The following CRTAC1 variants were observed in gnomAD, a reference collection of about 807,000 sequenced individuals.
CRTAC1 encodes the protein cartilage acidic protein 1.
CRTAC1 carries 37 observed loss-of-function variants against 67.8 expected under a neutral mutation model. The ratio of observed to expected loss-of-function variants is 0.55; its 90% CI spans 0.42 to 0.72. The LOEUF (loss-of-function observed/expected upper bound fraction) is 0.72. Among genes scored for constraint, CRTAC1 ranks in the 30% least tolerant of loss-of-function variants. The pLI is 0.00. For missense variants in CRTAC1, 780 were observed against 931.6 expected (o/e 0.84, Z 2.12); for synonymous variants, 348 against 371.0 (o/e 0.94, Z 0.71).
intron 2 of CRTAC1, among the ~76,000 whole-genome samples, chr10:97,994,279 C>T (rs895138003): frequency 1.3e-5 from 2 of 152,140 alleles, no homozygotes; most frequent in African/African-American, 4.8e-5. Context: ...TCACAGATTG[C>T]CAACTGTTTT....
intron 1 of CRTAC1, among the ~76,000 whole-genome samples, chr10:98,021,350 T>G (rs1341111647): frequency 6.6e-6 from 1 of 152,064 alleles, no homozygotes; most frequent in Non-Finnish European, 1.5e-5. Context: ...GCAGCACTCA[T>G]AGACAGGAGA....
chr10:97,966,835 G>T (rs763371037), intron 2 of CRTAC1, among the ~76,000 whole-genome samples: 1 of 152,096 alleles, frequency 6.6e-6, no homozygotes, highest in Non-Finnish European at 1.5e-5. Context: ...GGTTAGACTG[G>T]GGTTAGTGGG....
Position 97,895,965 on chromosome 10 carries a change from C to G in CRTAC1, c.1237G>C (p.Asp413His), listed in dbSNP as rs772913100. The G allele has an allele frequency of 6.2e-7, 1 of 1,614,154 alleles. No individual in the cohort carries two copies. The highest frequency in any genetic ancestry group is 2.2e-5 in the East Asian group (1 of 44,874). Reference sequence around the variant, plus strand: ...ATGAGGTCCAGCATCCCGTCTCCGTCGAAGTCGGTCACCACACCCCCTACA... The same window carrying G: ...ATGAGGTCCAGCATCCCGTCTCCGTGGAAGTCGGTCACCACACCCCCTACA... ...RGTGGVVTDF[D>H]GDGMLDLILS... The change falls in exon 10 of 15, where the codon GAC (aspartate) becomes CAC (histidine). Residue 413 changes from aspartate to histidine, a missense_variant. Transcript: ENST00000370597. The surrounding 1 kb of genome is among the most constrained non-coding windows in gnomAD (Gnocchi z 4.2).
intron 3 of CRTAC1, among the ~76,000 whole-genome samples, chr10:97,926,283 G>A (rs2050916927): frequency 6.6e-6 from 1 of 152,196 alleles, no homozygotes; most frequent in Non-Finnish European, 1.5e-5. Context: ...GGCCGGAGTC[G>A]CATCCCACAT....
At chr10:98,010,280 T>C (rs1419940127) in intron 2 of CRTAC1, among the ~76,000 whole-genome samples, 1 of 152,142 alleles carries the variant, frequency 6.6e-6, no homozygotes, top group African/African-American at 2.4e-5. Flanking sequence ...CCTCAAGTGA[T>C]TCACCCATCT....
chr10:97,954,229 G>A (rs2051404780), intron 2 of CRTAC1, among the ~76,000 whole-genome samples: 1 of 152,166 alleles, frequency 6.6e-6, no homozygotes, highest in Non-Finnish European at 1.5e-5. Context: ...TATACAGCAA[G>A]AACAGCATCT....
At chr10:98,024,786 A>C (rs1328099437) in intron 1 of CRTAC1, among the ~76,000 whole-genome samples, 4 of 53,100 alleles carry the variant, frequency 7.5e-5, no homozygotes, top group East Asian at 3.9e-4. Flanking sequence ...CTCTAAGACC[A>C]CCTCTCCACC....
At chr10:97,937,664 C>T (rs1482026484) in intron 2 of CRTAC1, among the ~76,000 whole-genome samples, 2 of 152,198 alleles carry the variant, frequency 1.3e-5, no homozygotes, top group Non-Finnish European at 2.9e-5. Context: ...TGGTCTGTTT[C>T]TTCACATCAC....
At chr10:97,911,432 C>A (rs1469025982) in intron 5 of CRTAC1, among the ~76,000 whole-genome samples, 1 of 152,236 alleles carries the variant, frequency 6.6e-6, no homozygotes, top group African/African-American at 2.4e-5. Context: ...TAATTAGCCA[C>A]AATTTATTGC....
chr10:97,887,371 G>A (rs1430658150), intron 11 of CRTAC1, among the ~76,000 whole-genome samples: 1 of 151,940 alleles, frequency 6.6e-6, no homozygotes, highest in African/African-American at 2.4e-5. Flanking sequence ...GCTTTCCCGA[G>A]TAGCTGGGAT....
Position 98,029,155 on chromosome 10 carries a change from CCT to C in CRTAC1, c.24+1292_24+1293del, listed in dbSNP as rs966748032. 2.0e-4 allele frequency among the ~76,000 whole-genome samples: 30 copies of C among 152,288 alleles called. No individual in the cohort carries two copies. Among genetic ancestry groups the C allele is most frequent in the African/African-American group, 7.0e-4 (29 of 41,548 alleles). On this transcript the variant is annotated intron_variant, in intron 1 of 14. Transcript: ENST00000370597. The surrounding 1 kb of genome is among the most constrained non-coding windows in gnomAD (Gnocchi z 4.7). ...CATGTTCCCACTTTTCCAGCCTCCACCTCTCCCCCATGGCTGAGGGTGAGGTA... is the reference window on the plus strand; with the variant it reads ...CATGTTCCCACTTTTCCAGCCTCCACCTCCCCCATGGCTGAGGGTGAGGTA...
intron 14 of CRTAC1, chr10:97,869,205 T>A (rs1488240743): frequency 6.6e-6 from 1 of 152,284 alleles, no homozygotes; most frequent in African/African-American, 2.4e-5. Context: ...GGCTGGCACC[T>A]CCACTTCCAG....
At position 97,923,309 on chromosome 10, in the gene CRTAC1, C is replaced by T. The variant is rs761592478; in HGVS notation, c.513G>A (p.Val171=). Residue 171 remains valine (V), a synonymous_variant, in exon 4 of 15, where the codon GTG becomes GTA. Coordinates refer to ENST00000370597, the MANE Select transcript of CRTAC1 (RefSeq NM_018058.7). The part of the protein sequence containing the change: ...LSDEVNVARG[V]ASLFAGRSVA... ...CAGAGCGTCCGGCAAAGAGGCTGGC[C>T]ACACCACGGGCCACGTTGACCTCAT... The T allele has an allele frequency of 1.9e-6, 3 of 1,614,154 alleles. No homozygotes were observed. The highest frequency in any genetic ancestry group is 1.1e-5 in the South Asian group (1 of 91,076).
Position 97,878,610 on chromosome 10 carries a change from A to T in CRTAC1, c.1819+1639T>A. The T allele has an allele frequency of 2.3e-6, 3 of 1,303,486 alleles. No individual in the cohort carries two copies. In the South Asian group the frequency reaches 3.7e-5, roughly 16 times the overall value. 80.7% of individuals were successfully genotyped at this position (1,303,486 alleles called of 1,614,324 possible). On this transcript the variant is annotated intron_variant, in intron 14 of 14. Transcript: ENST00000370597. Reference sequence around the variant, plus strand: ...TCGTGAGCATATTCTGTGGCGTTACATCATTTCCAAAGAGTGTTCTGGCTA... The same window carrying T: ...TCGTGAGCATATTCTGTGGCGTTACTTCATTTCCAAAGAGTGTTCTGGCTA...
At chr10:97,887,952 A>G (rs575856331) in intron 11 of CRTAC1, among the ~76,000 whole-genome samples, 29 of 152,384 alleles carry the variant, frequency 1.9e-4, no homozygotes, top group African/African-American at 6.7e-4. Context: ...TAACGCATCG[A>G]AACTTCACAT....
rs201665749 is a variant in CRTAC1, at chr10:98,002,329, G to GT, written c.224+8808dup. ...CTCTTCACTACTTTGTGAAAATCAG[G>GT]TTTTTTTTTGTTAAAATCCTTTTTT... On this transcript the variant is annotated intron_variant, in intron 2 of 14. Transcript: ENST00000370597. 4.7e-3 allele frequency among the ~76,000 whole-genome samples: 716 copies of GT among 151,454 alleles called. 2 individuals carry two copies. Among genetic ancestry groups the GT allele is most frequent in the Non-Finnish European group, 5.6e-3 (377 of 67,822 alleles).
intron 2 of CRTAC1, among the ~76,000 whole-genome samples, chr10:97,954,325 G>A (rs1037301242): frequency 2.0e-5 from 3 of 152,162 alleles, no homozygotes; most frequent in Non-Finnish European, 4.4e-5. Flanking sequence ...CACAAATAAG[G>A]CTCCTGTCCG....
At chr10:97,926,135 T>C (rs561012210) in intron 3 of CRTAC1, among the ~76,000 whole-genome samples, 5 of 152,192 alleles carry the variant, frequency 3.3e-5, no homozygotes, top group African/African-American at 9.6e-5. Context: ...CTGCAGGGGT[T>C]GTAGGTGGAG....
At chr10:97,881,860 C>A (rs1283302512) in intron 13 of CRTAC1, among the ~76,000 whole-genome samples, 2 of 152,194 alleles carry the variant, frequency 1.3e-5, no homozygotes, top group African/African-American at 4.8e-5. Context: ...AACTGCTCCT[C>A]ATTCCTCAGG....
Sources: allele counts gnomAD v4.1 joint callset (sites outside exome capture counted in the v4.1 genomes callset), GRCh38; gene constraint gnomAD v4.1.1; non-coding constraint Gnocchi (gnomAD v3.1); transcripts MANE v1.5; gene names NCBI Gene and HGNC (gene_info 2026-07-23, HGNC 2026-07-21).